Variants in HSD17B6 observed in about 807,000 individuals in gnomAD.
HSD17B6 encodes the protein 17-beta-hydroxysteroid dehydrogenase type 6.
HSD17B6 carries 16 observed loss-of-function variants against 26.4 expected under a neutral mutation model. The observed-to-expected ratio is 0.61, with a 90% CI of 0.41 to 0.92. The LOEUF (loss-of-function observed/expected upper bound fraction) is 0.92, where lower values mean the gene tolerates loss of function less well. HSD17B6 is among the 40% of genes least tolerant of loss of function. HSD17B6 has a pLI of 0.00. For missense variants in HSD17B6, 357 were observed against 386.1 expected (o/e 0.92, Z 0.63); for synonymous variants, 139 against 153.0 (o/e 0.91, Z 0.68).
At chr12:56,775,596 T>A (rs1954574129) in intron 2 of HSD17B6, among the ~76,000 whole-genome samples, 1 of 152,162 alleles carries the variant, frequency 6.6e-6, no homozygotes, top group Admixed American at 6.5e-5. Context: ...TTATAGAAAA[T>A]TGAACAGAAA....
chr12:56,764,015 G>A (rs1316038777), intron 1 of HSD17B6, among the ~76,000 whole-genome samples: 3 of 138,770 alleles, frequency 2.2e-5, no homozygotes, highest in African/African-American at 8.4e-5. Context: ...GCTACAGTGA[G>A]CTGTGATTGC....
intron 1 of HSD17B6, among the ~76,000 whole-genome samples, chr12:56,768,721 A>G (rs2137898204): frequency 9.0e-6 from 1 of 111,354 alleles, no homozygotes; most frequent in South Asian, 3.1e-4. Context: ...ATAAGGGAGG[A>G]GTCAAATGGA....
intron 1 of HSD17B6, among the ~76,000 whole-genome samples, chr12:56,767,456 G>C (rs1193468572): frequency 6.6e-6 from 1 of 151,012 alleles, no homozygotes; most frequent in Non-Finnish European, 1.5e-5. Flanking sequence ...GGCAGAGCTT[G>C]CAGTGAGCCG....
At chr12:56,778,932 G>T (rs568019297) in intron 2 of HSD17B6, among the ~76,000 whole-genome samples, 8 of 146,520 alleles carry the variant, frequency 5.5e-5, no homozygotes, top group Non-Finnish European at 1.5e-5. Context: ...GTCTTGGCCT[G>T]CCGAAGTGCT....
At chr12:56,785,526 G>T (rs1170376050) in intron 4 of HSD17B6, among the ~76,000 whole-genome samples, 1 of 152,240 alleles carries the variant, frequency 6.6e-6, no homozygotes, top group African/African-American at 2.4e-5. Context: ...GGTCCCAGTG[G>T]TCTCATGGTT....
At chr12:56,774,242 C>T in intron 2 of HSD17B6, 77 bp downstream of exon 2, 2 of 1,353,990 alleles carry the variant, frequency 1.5e-6, no homozygotes, top group Non-Finnish European at 2.0e-6. Flanking sequence ...CTTGGTGTCT[C>T]CTGGGGATTG....
intron 3 of HSD17B6, among the ~76,000 whole-genome samples, chr12:56,782,948 A>G (rs1237841606): frequency 6.6e-6 from 1 of 152,156 alleles, no homozygotes; most frequent in Non-Finnish European, 1.5e-5. Flanking sequence ...CAGAGAGCAC[A>G]GGGTTGGGGT....
chr12:56,776,292 TTCATG>T (rs1954591096), intron 2 of HSD17B6, among the ~76,000 whole-genome samples: 1 of 149,050 alleles, frequency 6.7e-6, no homozygotes, highest in Non-Finnish European at 1.5e-5. Context: ...TTAAGATTCC[TTCATG>T]TCTTGCCTTT....
rs1954904099 is a variant in HSD17B6 at position 56,787,454 on chromosome 12, A to G, written c.*112A>G. On this transcript the variant is annotated 3_prime_UTR_variant, in exon 5 of 5. Coordinates refer to ENST00000322165, the MANE Select transcript of HSD17B6 (RefSeq NM_003725.4). Reference sequence around the variant, plus strand: ...TTTGTAACAATGTGTTTTCTTGCCTAAATTCATTTATCTGGCATCATCAGA... The same window carrying G: ...TTTGTAACAATGTGTTTTCTTGCCTGAATTCATTTATCTGGCATCATCAGA... 1 of 689,784 alleles carries G rather than the reference A, an allele frequency of 1.4e-6. No homozygotes were observed. The highest frequency in any genetic ancestry group is 1.8e-5 in the African/African-American group (1 of 55,710). The allele number at this position is 689,784 out of a possible 1,614,324, so 42.7% of individuals were successfully genotyped here.
At chr12:56,782,402 G>A (rs10876921) in intron 3 of HSD17B6, among the ~76,000 whole-genome samples, 170 bp downstream of exon 3, 74,944 of 152,000 alleles carry the variant, frequency 0.49, 19,085 homozygotes, top group African/African-American at 0.61. Flanking sequence ...ATCTGTCCCA[G>A]AGTTCACCTA....
At chr12:56,771,035 G>GT (rs1374895250) in intron 1 of HSD17B6, among the ~76,000 whole-genome samples, 1 of 152,178 alleles carries the variant, frequency 6.6e-6, no homozygotes, top group Admixed American at 6.5e-5. Context: ...CTCCTCTTGG[G>GT]CACTGGTCAG....
At chr12:56,766,533 G>A (rs1234168815) in intron 1 of HSD17B6, among the ~76,000 whole-genome samples, 1 of 152,226 alleles carries the variant, frequency 6.6e-6, no homozygotes, top group Admixed American at 6.5e-5. Flanking sequence ...CATAGGCAGT[G>A]TGAGAAAGAG....
At chr12:56,783,606 C>T (rs1954788960) in intron 3 of HSD17B6, among the ~76,000 whole-genome samples, 1 of 138,230 alleles carries the variant, frequency 7.2e-6, no homozygotes, top group Non-Finnish European at 1.6e-5. Flanking sequence ...CCCCCCACCT[C>T]CCTCCCGGAC....
At chr12:56,784,769 T>A in intron 3 of HSD17B6, 84 bp from the exon 4 acceptor site, 1 of 1,340,538 alleles carries the variant, frequency 7.5e-7, no homozygotes, top group South Asian at 1.4e-5. Flanking sequence ...AGGTATTTTA[T>A]AATCTTTTTT....
At chr12:56,784,065 C>T (rs1468360573) in intron 3 of HSD17B6, among the ~76,000 whole-genome samples, 1 of 151,774 alleles carries the variant, frequency 6.6e-6, no homozygotes, top group Admixed American at 6.6e-5. Context: ...GCGCTCCCCA[C>T]ATCTCAGACG....
At chr12:56,785,221 T>C (rs1053153881) in intron 4 of HSD17B6, among the ~76,000 whole-genome samples, 1 of 151,962 alleles carries the variant, frequency 6.6e-6, no homozygotes, top group African/African-American at 2.4e-5. Flanking sequence ...AGGGAATGAG[T>C]GCAAGCAGAG....
intron 2 of HSD17B6, among the ~76,000 whole-genome samples, chr12:56,780,693 AC>A (rs1954695409): frequency 1.3e-5 from 2 of 151,980 alleles, no homozygotes; most frequent in Non-Finnish European, 2.9e-5. Context: ...CCCCGTCTCT[AC>A]TAAAAATACC....
Position 56,774,164 on chromosome 12 carries a change from A to G in HSD17B6, c.312A>G (p.Arg104=), listed in dbSNP as rs1954543784. 6.5e-7 allele frequency: 1 copy of G among 1,540,766 alleles called. No individual in the cohort carries two copies. Among genetic ancestry groups the G allele is most frequent in the Non-Finnish European group, 8.7e-7 (1 of 1,144,150 alleles). The change falls in exon 2 of 5, where the codon AGA becomes AGG. Residue 104 remains arginine (R), a splice_region_variant and synonymous_variant. Coordinates refer to ENST00000322165, the MANE Select transcript of HSD17B6 (RefSeq NM_003725.4). Reference sequence around the variant, plus strand: ...GGGTGAAGGAGCATGTGGGGGACAGAGGTATGAAATATTTTCTCCTTTTAT... The same window carrying G: ...GGGTGAAGGAGCATGTGGGGGACAGGGGTATGAAATATTTTCTCCTTTTAT... ...TQWVKEHVGD[R]GLWGLVNNAG...
intron 4 of HSD17B6, 99 bp downstream of exon 4, chr12:56,785,115 A>G: frequency 3.9e-6 from 5 of 1,283,988 alleles, no homozygotes; most frequent in Non-Finnish European, 5.4e-6. Context: ...TTTATAAAGA[A>G]AAGAGGTTTA....
Sources: allele counts gnomAD v4.1 joint callset (sites outside exome capture counted in the v4.1 genomes callset), GRCh38; gene constraint gnomAD v4.1.1; transcripts MANE v1.5; gene names NCBI Gene and HGNC (gene_info 2026-07-23, HGNC 2026-07-21).